The following L3HYPDH variants were observed in gnomAD, a reference collection of about 807,000 sequenced individuals.
L3HYPDH encodes the protein trans-3-hydroxy-L-proline dehydratase.
A neutral mutation model predicts 26.5 loss-of-function variants in L3HYPDH; 32 were observed. That is an observed-to-expected ratio of 1.21 (90% CI 0.91 to 1.62). The LOEUF (loss-of-function observed/expected upper bound fraction) is 1.62. Ranked by LOEUF, L3HYPDH falls within the 40% of genes most tolerant of loss-of-function variation. The pLI is 0.00. For missense variants in L3HYPDH, 554 were observed against 476.4 expected (o/e 1.16, Z -1.52); for synonymous variants, 215 against 196.6 (o/e 1.09, Z -0.78).
intron 1 of L3HYPDH, among the ~76,000 whole-genome samples, chr14:59,479,629 C>A (rs1381175201): frequency 1.3e-5 from 2 of 152,130 alleles, no homozygotes; most frequent in East Asian, 3.8e-4. Flanking sequence ...CCCTGAGGAT[C>A]TTTTCTAGGA....
chr14:59,467,073 G>T (rs1889207255), intron 1 of L3HYPDH, among the ~76,000 whole-genome samples: 2 of 152,130 alleles, frequency 1.3e-5, no homozygotes, highest in Admixed American at 1.3e-4. Flanking sequence ...ATATAAGATA[G>T]GAAACCCAGC....
chr14:59,496,276 A>C, the L3HYPDH span, among the ~76,000 whole-genome samples: 1 of 150,712 alleles, frequency 6.6e-6, no homozygotes, highest in Non-Finnish European at 1.5e-5. Context: ...TTTATATATA[A>C]AATACTATAT....
In L3HYPDH at chr14:59,473,074, T is replaced by G; in HGVS notation, c.956A>C (p.Asp319Ala). 1 of 1,593,332 alleles carries G rather than the reference T, an allele frequency of 6.3e-7. No individual in the cohort carries two copies. Among genetic ancestry groups the G allele is most frequent in the Non-Finnish European group, 8.5e-7 (1 of 1,173,384 alleles). The change falls in exon 5 of 5, where the codon GAT (aspartate) becomes GCT (alanine). Residue 319 changes from aspartate to alanine, a missense_variant. By Grantham distance (126) the Asp-to-Ala change is moderately radical. Coordinates refer to ENST00000247194, the MANE Select transcript of L3HYPDH (RefSeq NM_144581.2). The stretch of plus-strand genomic sequence containing the variant: ...TACTTCCACTATAACAGCTTTAAAA[T>G]CACCACATTTCGCTTCCTGAAAAAA... ...GKAVREAKCGDFKAVIVEVSG... is the reference protein window; with the variant it reads ...GKAVREAKCGAFKAVIVEVSG...
In L3HYPDH at chr14:59,480,822, A is replaced by G. The variant is rs139405179; in HGVS notation, c.509-1471T>C. Reference sequence around the variant, plus strand: ...GTCTTTATCTTGATGCTGGCGCAACATGAAAAGCAAGTTTAATGAAAAGAG... The same window carrying G: ...GTCTTTATCTTGATGCTGGCGCAACGTGAAAAGCAAGTTTAATGAAAAGAG... On this transcript the variant is annotated intron_variant, in intron 1 of 4. Coordinates refer to ENST00000247194, the MANE Select transcript of L3HYPDH (RefSeq NM_144581.2). Among the ~76,000 whole-genome samples, 380 of 152,352 alleles carry G rather than the reference A, an allele frequency of 2.5e-3. 2 individuals are homozygous for G. Among genetic ancestry groups the G allele is most frequent in the African/African-American group, 8.9e-3 (368 of 41,580 alleles).
At chr14:59,496,616 T>C in the L3HYPDH span, among the ~76,000 whole-genome samples, 11 of 152,296 alleles carry the variant, frequency 7.2e-5, no homozygotes, top group South Asian at 1.7e-3. Flanking sequence ...GCACCTGTAA[T>C]AGTCACTTCT....
the L3HYPDH span, chr14:59,495,254 G>GTT: frequency 1.8e-6 from 1 of 546,152 alleles, no homozygotes; most frequent in Non-Finnish European, 2.5e-6. Context: ...TAAGATCATT[G>GTT]TTTTTTTTTA....
the L3HYPDH span, chr14:59,495,212 C>T: frequency 6.2e-7 from 1 of 1,606,482 alleles, no homozygotes; most frequent in South Asian, 1.1e-5. Flanking sequence ...ACTCATGAAG[C>T]CGTCTACCCA....
At chr14:59,480,895 A>T (rs992980209) in intron 1 of L3HYPDH, among the ~76,000 whole-genome samples, 1 of 152,244 alleles carries the variant, frequency 6.6e-6, no homozygotes, top group African/African-American at 2.4e-5. Context: ...GTGGAAAGCT[A>T]AAGTGAGGGT....
the L3HYPDH span, among the ~76,000 whole-genome samples, chr14:59,503,461 C>T: frequency 6.6e-6 from 1 of 152,154 alleles, no homozygotes; most frequent in South Asian, 2.1e-4. Flanking sequence ...TTCTGTACCT[C>T]CTATTTCCCA....
At chr14:59,499,836 T>C in the L3HYPDH span, among the ~76,000 whole-genome samples, 1 of 152,212 alleles carries the variant, frequency 6.6e-6, no homozygotes, top group African/African-American at 2.4e-5. Context: ...CTGCACAGGA[T>C]TTGAAAATCT....
chr14:59,491,738 C>T, the L3HYPDH span, among the ~76,000 whole-genome samples: 13 of 152,210 alleles, frequency 8.5e-5, no homozygotes, highest in Non-Finnish European at 1.3e-4. Context: ...TCTTTCAAAA[C>T]ACAAACCAGC....
At chr14:59,490,510 A>G in the L3HYPDH span, among the ~76,000 whole-genome samples, 38 of 152,308 alleles carry the variant, frequency 2.5e-4, no homozygotes, top group African/African-American at 9.1e-4. Context: ...TGTGGAGGGT[A>G]GGTAGATTAG....
At chr14:59,473,633 AGAGAT>A (rs1178000819) in intron 4 of L3HYPDH, among the ~76,000 whole-genome samples, 1 of 152,232 alleles carries the variant, frequency 6.6e-6, no homozygotes, top group Non-Finnish European at 1.5e-5. Context: ...ACAGTCATTT[AGAGAT>A]GAGTATAATA....
the L3HYPDH span, among the ~76,000 whole-genome samples, chr14:59,499,849 A>G: frequency 3.3e-5 from 5 of 152,326 alleles, no homozygotes; most frequent in East Asian, 5.8e-4. Flanking sequence ...GAAAATCTAT[A>G]GTTCCCTCTA....
the L3HYPDH span, chr14:59,504,309 G>T: frequency 2.1e-6 from 1 of 485,240 alleles, no homozygotes; most frequent in Admixed American, 3.7e-5. Context: ...AAGGCCGCTA[G>T]GAAGCCCTTG....
At chr14:59,489,791 T>G in the L3HYPDH span, among the ~76,000 whole-genome samples, 1 of 152,076 alleles carries the variant, frequency 6.6e-6, no homozygotes, top group African/African-American at 2.4e-5. Flanking sequence ...TTGAGGAAGC[T>G]TACAATCATG....
At chr14:59,476,035 T>A in intron 3 of L3HYPDH, 29 bp from the exon 4 acceptor site, 1 of 1,613,844 alleles carries the variant, frequency 6.2e-7, no homozygotes, top group Non-Finnish European at 8.5e-7. Context: ...AGACAGAATG[T>A]TCATAGTGTG....
At chr14:59,495,156 G>A in the L3HYPDH span, 17 of 1,613,748 alleles carry the variant, frequency 1.1e-5, no homozygotes, top group Non-Finnish European at 1.3e-5. Flanking sequence ...ACTGGTACAC[G>A]ATGCTTTACA....
intron 4 of L3HYPDH, chr14:59,475,077 A>C (rs1889535052): frequency 6.6e-6 from 1 of 152,226 alleles, no homozygotes; most frequent in African/African-American, 2.4e-5. Flanking sequence ...CTACTGAGAT[A>C]AGATTCATTA....
Sources: gnomAD v4.1 joint callset for allele counts (sites outside exome capture counted in the v4.1 genomes callset) on GRCh38, gnomAD v4.1.1 for gene constraint, MANE v1.5 for transcripts, NCBI Gene and HGNC (gene_info 2026-07-23, HGNC 2026-07-21) for gene names.